CCNF: variants seen among roughly 807,000 people sequenced by gnomAD.
CCNF encodes the protein cyclin-F.
In CCNF, 30 loss-of-function variants were observed where a neutral mutation model predicts 85.4. That is an observed-to-expected ratio of 0.35 (90% confidence interval 0.26 to 0.48). The LOEUF (loss-of-function observed/expected upper bound fraction) is 0.48, where lower values mean the gene tolerates loss of function less well. CCNF is among the 20% of genes least tolerant of loss of function. The pLI, the probability that CCNF is intolerant of heterozygous loss-of-function variation, is 0.99. For missense variants in CCNF, 919 were observed against 1,010.4 expected, an observed-to-expected ratio of 0.91 and a Z score of 1.23; for synonymous variants, 439 against 425.1, an observed-to-expected ratio of 1.03 and a Z score of -0.40.
At chr16:2,444,553 G>A (rs1252217113) in intron 9 of CCNF, among the ~76,000 whole-genome samples, 4 of 150,640 alleles carry the variant, frequency 2.7e-5, no homozygotes, top group Non-Finnish European at 5.9e-5. Context: ...GCCTGCCTCC[G>A]CCTCCCAAAG....
At position 2,453,256 on chromosome 16, in the gene CCNF, G is replaced by A. The variant is rs757704196; in HGVS notation, c.1534G>A (p.Ala512Thr). The A allele has an allele frequency of 3.1e-6, 5 of 1,613,870 alleles. No homozygotes were observed. Among genetic ancestry groups the A allele is most frequent in the East Asian group, 2.2e-5 (1 of 44,878 alleles). Residue 512 changes from alanine (A) to threonine (T), a missense_variant, in exon 14 of 17, where the codon GCC (alanine) becomes ACC (threonine). Physicochemically the swap from Ala to Thr is moderately conservative, Grantham distance 58. Transcript: ENST00000397066. The surrounding 1 kb of genome is among the most constrained non-coding windows in gnomAD (Gnocchi z 5.6). ...PKDYRQVSLT[A>T]VKQRFEDKRY... Reference sequence around the variant, plus strand: ...GGACTACAGGCAAGTCTCTCTGACCGCCGTGAAGCAGCGGTTTGAGGACAA... The same window carrying A: ...GGACTACAGGCAAGTCTCTCTGACCACCGTGAAGCAGCGGTTTGAGGACAA...
intron 8 of CCNF, among the ~76,000 whole-genome samples, chr16:2,441,998 T>G: frequency 7.4e-6 from 1 of 134,762 alleles, no homozygotes; most frequent in African/African-American, 2.8e-5. Context: ...TGTTTTTGTT[T>G]TGTTTTGTTT....
At chr16:2,442,242 C>T (rs906461261) in intron 8 of CCNF, among the ~76,000 whole-genome samples, 3 of 137,392 alleles carry the variant, frequency 2.2e-5, no homozygotes, top group African/African-American at 8.1e-5. Context: ...CTCCTGACTT[C>T]GTGATCTGCC....
chr16:2,439,405 A>G lies in CCNF; in HGVS notation c.647A>G (p.Gln216Arg), dbSNP rs1353370290. Residue 216 changes from glutamine (Q) to arginine (R), a missense_variant, in exon 7 of 17, where the codon CAG (glutamine) becomes CGG (arginine). This residue lies in a region of CCNF where 410 missense variants were observed against 478.6 expected (regional missense o/e 0.86). Coordinates refer to ENST00000397066, the MANE Select transcript of CCNF (RefSeq NM_001761.3). ...AHDLFEEAAHQGCLTSSYLLW... is the reference protein window; with the variant it reads ...AHDLFEEAAHRGCLTSSYLLW... Reference sequence around the variant, plus strand: ...GACCTGTTTGAGGAGGCTGCTCATCAGGGATGTCTGACCAGCTCCTACCTC... The same window carrying G: ...GACCTGTTTGAGGAGGCTGCTCATCGGGGATGTCTGACCAGCTCCTACCTC... 3.1e-6 allele frequency: 5 copies of G among 1,611,082 alleles called. No individual in the cohort carries two copies. In the South Asian group the frequency reaches 5.5e-5, roughly 18 times the overall value.
chr16:2,449,565 C>T (rs1241380946), intron 12 of CCNF, 103 bp downstream of exon 12: 1 of 1,202,846 alleles, frequency 8.3e-7, no homozygotes, highest in Non-Finnish European at 1.1e-6. Flanking sequence ...GTCCTGGTTA[C>T]TTCTTGGGGG....
Position 2,453,429 on chromosome 16 carries a change from T to C in CCNF, c.1607T>C (p.Leu536Ser). Residue 536 changes from leucine (L) to serine (S), a missense_variant, in exon 15 of 17, where the codon TTG (leucine) becomes TCG (serine). Physicochemically the swap from Leu to Ser is moderately radical, Grantham distance 145. Around this residue, in one of 3 missense-constraint regions of CCNF, gnomAD observed 505 missense variants for 514.8 expected, o/e 0.98. Transcript: ENST00000397066. The surrounding 1 kb of genome is among the most constrained non-coding windows in gnomAD (Gnocchi z 5.6). ...SQEEVLSYSQLCAALGVTQDS... is the reference protein window; with the variant it reads ...SQEEVLSYSQSCAALGVTQDS... The stretch of plus-strand genomic sequence containing the variant: ...CCTCAGGTGCTGAGCTACAGCCAGT[T>C]GTGTGCTGCATTAGGAGTGACACAA... 6.2e-7 allele frequency: 1 copy of C among 1,613,976 alleles called. No individual in the cohort carries two copies. Among genetic ancestry groups the C allele is most frequent in the African/African-American group, 1.3e-5 (1 of 75,008 alleles).
At position 2,456,569 on chromosome 16, in the gene CCNF, A is replaced by G; in HGVS notation, c.1910A>G (p.Asp637Gly). 1 of 1,550,942 alleles carries G rather than the reference A, an allele frequency of 6.4e-7. No homozygotes were observed. The highest frequency in any genetic ancestry group is 8.7e-7 in the Non-Finnish European group (1 of 1,149,416). The change falls in exon 17 of 17, where the codon GAT becomes GGT. Residue 637 changes from aspartate (D) to glycine (G), a missense_variant. Asp to Gly is a moderately conservative substitution (Grantham distance 94). This residue lies in a region of CCNF where 505 missense variants were observed against 514.8 expected (regional missense o/e 0.98). Coordinates refer to ENST00000397066, the MANE Select transcript of CCNF (RefSeq NM_001761.3). The surrounding 1 kb of genome is among the most constrained non-coding windows in gnomAD (Gnocchi z 4.5). ...GTGACAGCTCCCAGCGGCATCCTCG[A>G]TGTCACCGTGGTCTACCTGAACCCA... is the stretch of plus-strand genomic sequence containing the variant. ...GDVTAPSGIL[D>G]VTVVYLNPEQ...
chr16:2,455,353 G>GC (rs1249805092), intron 15 of CCNF, 42 bp from the exon 16 acceptor site: 2 of 1,513,532 alleles, frequency 1.3e-6, no homozygotes, highest in Middle Eastern at 1.9e-4. Flanking sequence ...TCCCAGCGCC[G>GC]CCGTCCATGA....
Position 2,453,673 on chromosome 16 carries a change from G to A in CCNF, c.1715+136G>A. 8.6e-7 allele frequency: 1 copy of A among 1,166,142 alleles called. No homozygotes were observed. The highest frequency in any genetic ancestry group is 1.4e-5 in the South Asian group (1 of 71,436). 72.2% of individuals were successfully genotyped at this position (1,166,142 alleles called of 1,614,324 possible). A position where few individuals can be genotyped will look rare whatever the true frequency, so the allele number is the denominator to read the frequency against. On this transcript the variant is annotated intron_variant, in intron 15 of 16. Transcript: ENST00000397066. The surrounding 1 kb of genome is among the most constrained non-coding windows in gnomAD (Gnocchi z 5.6). ...CAGCAGATCCCAGGACAGTGACCCT[G>A]GGACGGAGCCCTGCAGTCATGCCTC...
At position 2,429,954 on chromosome 16, in the gene CCNF, C is replaced by G. The variant is rs144172354; in HGVS notation, c.16+457C>G. 1.6e-3 allele frequency among the ~76,000 whole-genome samples: 240 copies of G among 152,304 alleles called. 1 individual carries two copies. The highest frequency in any genetic ancestry group is 5.6e-3 in the African/African-American group (233 of 41,588). ...ACCTAGCTCTGTGGAAAGCAGCGTT[C>G]GGCCCCGCGCGCGTTGAGGCACAGG... On this transcript the variant is annotated intron_variant, in intron 1 of 16. Transcript: ENST00000397066.
Position 2,457,110 on chromosome 16 carries a change from T to A in CCNF, c.*90T>A. 1.1e-6 allele frequency: 1 copy of A among 947,580 alleles called. No homozygotes were observed. The highest frequency in any genetic ancestry group is 1.6e-6 in the Non-Finnish European group (1 of 641,384). 58.7% of individuals were successfully genotyped at this position (947,580 alleles called of 1,614,324 possible). A position where few individuals can be genotyped will look rare whatever the true frequency, so the allele number is the denominator to read the frequency against. Reference sequence around the variant, plus strand: ...TAGCATAGGAACGCTGCATAGACCATGGAGGCCTTTGCGCAGAGAGCAGAG... The same window carrying A: ...TAGCATAGGAACGCTGCATAGACCAAGGAGGCCTTTGCGCAGAGAGCAGAG... On this transcript the variant is annotated 3_prime_UTR_variant, in exon 17 of 17. Coordinates refer to ENST00000397066, the MANE Select transcript of CCNF (RefSeq NM_001761.3).
chr16:2,452,786 G>A lies in CCNF; in HGVS notation c.1488-424G>A, dbSNP rs796156630. 30 of 210,534 alleles carry A rather than the reference G, an allele frequency of 1.4e-4. No individual in the cohort carries two copies. The highest frequency in any genetic ancestry group is 6.5e-4 in the African/African-American group (28 of 43,176). The allele number at this position is 210,534 out of a possible 1,614,324, so 13.0% of individuals were successfully genotyped here. ...ATTCTGTACATTCCATATAAATGGC[G>A]TCATCGGACAAGTGGCCTTCTGTGT... On this transcript the variant is annotated intron_variant, in intron 13 of 16. Transcript: ENST00000397066. The surrounding 1 kb of genome is among the most constrained non-coding windows in gnomAD (Gnocchi z 4.1).
chr16:2,444,446 C>T (rs1364442576), intron 9 of CCNF, among the ~76,000 whole-genome samples: 1 of 150,980 alleles, frequency 6.6e-6, no homozygotes, highest in Non-Finnish European at 1.5e-5. Context: ...ACTACAGGTG[C>T]CTGCCACCAC....
chr16:2,444,988 TCAAGCCTTTCTCCTGCCTCA>T (rs2065353624), intron 9 of CCNF, among the ~76,000 whole-genome samples: 1 of 149,584 alleles, frequency 6.7e-6, no homozygotes, highest in Admixed American at 6.7e-5. Flanking sequence ...TGCCTCGGGC[TCAAGCCTTTCTCCTGCCTCA>T]GTCCCCCAAG....
At chr16:2,436,028 G>T in intron 4 of CCNF, 155 bp downstream of exon 4, 1 of 545,528 alleles carries the variant, frequency 1.8e-6, no homozygotes, top group East Asian at 3.0e-5. Flanking sequence ...GTGCCCAGAT[G>T]TACCCTGCTG....
At position 2,456,768 on chromosome 16, in the gene CCNF, C is replaced by T. The variant is rs1462939237; in HGVS notation, c.2109C>T (p.Ser703=). ...PGKDVTTSGY[S]SVSTASPTSS... is the part of the protein sequence containing the mutation. ...AGGACGTCACGACCTCAGGGTACTC[C>T]TCCGTCAGCACCGCAAGTCCCACAA... Residue 703 remains serine, a synonymous_variant, in exon 17 of 17, where the codon TCC becomes TCT. Transcript: ENST00000397066. The surrounding 1 kb of genome is among the most constrained non-coding windows in gnomAD (Gnocchi z 4.5). 6.2e-7 allele frequency: 1 copy of T among 1,613,252 alleles called. No individual in the cohort carries two copies. The highest frequency in any genetic ancestry group is 1.7e-5 in the Admixed American group (1 of 59,972).
At chr16:2,441,981 A>ATGTG (rs1555497458) in intron 8 of CCNF, among the ~76,000 whole-genome samples, 33 of 98,770 alleles carry the variant, frequency 3.3e-4, no homozygotes, top group Middle Eastern at 5.9e-3. Flanking sequence ...ATATATATAT[A>ATGTG]TGTTTTTGTT....
intron 5 of CCNF, chr16:2,437,861 T>C (rs2065299773): frequency 1.9e-6 from 1 of 530,256 alleles, no homozygotes; most frequent in Non-Finnish European, 3.4e-6. Context: ...ACTATGCCAA[T>C]GCACTCCAGC....
At chr16:2,449,957 A>G in intron 13 of CCNF, 42 bp downstream of exon 13, 1 of 1,426,362 alleles carries the variant, frequency 7.0e-7, no homozygotes, top group Non-Finnish European at 9.9e-7. Context: ...CTGTAACCCC[A>G]GCACTTTGGG....
Sources: allele counts gnomAD v4.1 joint callset (sites outside exome capture counted in the v4.1 genomes callset), GRCh38; gene constraint gnomAD v4.1.1; regional missense constraint gnomAD v4.1.1; non-coding constraint Gnocchi (gnomAD v3.1); transcripts MANE v1.5; gene names NCBI Gene and HGNC (gene_info 2026-07-23, HGNC 2026-07-21).